Variants in EIF3H observed in about 807,000 individuals in gnomAD.
EIF3H encodes the protein eukaryotic translation initiation factor 3 subunit H.
EIF3H carries 26 observed loss-of-function variants against 44.2 expected under a neutral mutation model. That is an observed-to-expected ratio of 0.59 (90% CI 0.43 to 0.82). The LOEUF (loss-of-function observed/expected upper bound fraction) is 0.82. Among genes scored for constraint, EIF3H ranks in the 40% least tolerant of loss-of-function variants. The probability of loss-of-function intolerance (pLI) is 0.00; values close to 1 mark genes in which losing one functional copy is unlikely to be tolerated. For missense variants in EIF3H, 359 were observed against 432.8 expected (o/e 0.83, Z 1.51); for synonymous variants, 166 against 151.9 (o/e 1.09, Z -0.68).
At position 116,666,753 on chromosome 8, in the gene EIF3H, C is replaced by CAAAAAAAAAAAAAAAAAAAA. The variant is rs56700266; in HGVS notation, c.290-7793_290-7774dup. Among the ~76,000 whole-genome samples, 10 of 71,446 alleles carry CAAAAAAAAAAAAAAAAAAAA rather than the reference C, an allele frequency of 1.4e-4. 2 individuals are homozygous for CAAAAAAAAAAAAAAAAAAAA. Among genetic ancestry groups the CAAAAAAAAAAAAAAAAAAAA allele is most frequent in the African/African-American group, 6.8e-4 (10 of 14,602 alleles). 46.9% of individuals were successfully genotyped at this position (71,446 alleles called of 152,430 possible). The stretch of plus-strand genomic sequence containing the variant: ...CCAAATGAGAATCTTTAGTGTTAGG[C>CAAAAAAAAAAAAAAAAAAAA]AAAAAAAAAAAAAAAAAAAAAAATT... On this transcript the variant is annotated intron_variant, in intron 2 of 7. Coordinates refer to ENST00000521861, the MANE Select transcript of EIF3H (RefSeq NM_003756.3).
intron 2 of EIF3H, among the ~76,000 whole-genome samples, chr8:116,717,914 A>C (rs1354296679): frequency 6.6e-6 from 1 of 152,222 alleles, no homozygotes; most frequent in Non-Finnish European, 1.5e-5. Context: ...TAAACTAAAA[A>C]GCTTCTGCAC....
intron 2 of EIF3H, among the ~76,000 whole-genome samples, chr8:116,711,634 A>T (rs904704225): frequency 6.6e-6 from 1 of 152,226 alleles, no homozygotes; most frequent in African/African-American, 2.4e-5. Flanking sequence ...CAAGAACAAA[A>T]GTATCTTATG....
At position 116,752,778 on chromosome 8, in the gene EIF3H, AGGGAGGGAGGGAGGGAG is replaced by A. The variant is rs1815377941; in HGVS notation, c.132+2871_132+2887del. Among the ~76,000 whole-genome samples the A allele has an allele frequency of 1.8e-4, 10 of 54,146 alleles. 1 individual carries two copies. The highest frequency in any genetic ancestry group is 2.1e-4 in the Admixed American group (1 of 4,732). The allele number at this position is 54,146 out of a possible 152,430, so 35.5% of individuals were successfully genotyped here. A position where few individuals can be genotyped will look rare whatever the true frequency, so the allele number is the denominator to read the frequency against. On this transcript the variant is annotated intron_variant, in intron 1 of 7. Coordinates refer to ENST00000521861, the MANE Select transcript of EIF3H (RefSeq NM_003756.3). ...GAGGGAGGGAGGGAGGGAGGGAGGG[AGGGAGGGAGGGAGGGAG>A]GGAAGGAAGGAAGGAAGGAAGGAAG...
chr8:116,754,008 T>C (rs368124453), intron 1 of EIF3H, among the ~76,000 whole-genome samples: 2 of 152,212 alleles, frequency 1.3e-5, no homozygotes, highest in Non-Finnish European at 2.9e-5. Context: ...CCACTAACTT[T>C]AGAGATTTGC....
At chr8:116,710,498 CATTTTT>C (rs961377281) in intron 2 of EIF3H, among the ~76,000 whole-genome samples, 1 of 152,152 alleles carries the variant, frequency 6.6e-6, no homozygotes, top group African/African-American at 2.4e-5. Flanking sequence ...TGTTGACCTT[CATTTTT>C]ATTTAATATA....
intron 5 of EIF3H, among the ~76,000 whole-genome samples, chr8:116,654,172 C>T (rs1198358817): frequency 1.3e-5 from 2 of 152,162 alleles, no homozygotes; most frequent in African/African-American, 4.8e-5. Flanking sequence ...CACCAATTTA[C>T]ACTTTAAATA....
intron 2 of EIF3H, among the ~76,000 whole-genome samples, chr8:116,708,812 A>G (rs1814516223): frequency 6.6e-6 from 1 of 152,086 alleles, no homozygotes; most frequent in Admixed American, 6.6e-5. Context: ...ACTCACTACC[A>G]TATGATAATT....
intron 5 of EIF3H, among the ~76,000 whole-genome samples, chr8:116,649,823 C>T (rs902537463): frequency 2.0e-5 from 3 of 152,170 alleles, no homozygotes; most frequent in African/African-American, 7.2e-5. Context: ...TGAAGAGACA[C>T]TTACTTTAGA....
chr8:116,729,517 A>G (rs1367061192), intron 1 of EIF3H, among the ~76,000 whole-genome samples: 3 of 152,246 alleles, frequency 2.0e-5, no homozygotes, highest in Non-Finnish European at 4.4e-5. Flanking sequence ...TTTATGTAGT[A>G]TCAATAGAAT....
At chr8:116,753,950 C>T (rs1255579331) in intron 1 of EIF3H, among the ~76,000 whole-genome samples, 2 of 152,060 alleles carry the variant, frequency 1.3e-5, no homozygotes, top group Non-Finnish European at 2.9e-5. Context: ...TAAACATTTC[C>T]CAAGTGCATA....
At chr8:116,759,916 A>G (rs1346553607), upstream of EIF3H, among the ~76,000 whole-genome samples, 1 of 152,158 alleles carries the variant, frequency 6.6e-6, no homozygotes, top group Non-Finnish European at 1.5e-5. Context: ...CTTTTTGTAG[A>G]TAACCAGTTC....
intron 5 of EIF3H, among the ~76,000 whole-genome samples, chr8:116,651,406 G>C (rs139348188): frequency 1.7e-4 from 26 of 152,276 alleles, no homozygotes; most frequent in African/African-American, 5.8e-4. Flanking sequence ...AACAGGTTGG[G>C]AATATTGAGA....
At chr8:116,760,748 T>C (rs1815510591), upstream of EIF3H, among the ~76,000 whole-genome samples, 1 of 152,232 alleles carries the variant, frequency 6.6e-6, no homozygotes, top group Non-Finnish European at 1.5e-5. Flanking sequence ...GAAAGCATGT[T>C]TAATTTCTTG....
At chr8:116,751,132 A>C (rs1341872384) in intron 1 of EIF3H, among the ~76,000 whole-genome samples, 1 of 151,900 alleles carries the variant, frequency 6.6e-6, no homozygotes, top group Non-Finnish European at 1.5e-5. Flanking sequence ...GAATGGCGTG[A>C]ACCCGGGAGG....
chr8:116,653,371 A>ACACACACACACACACACAC (rs59686939), intron 5 of EIF3H, among the ~76,000 whole-genome samples: 10 of 151,826 alleles, frequency 6.6e-5, no homozygotes, highest in South Asian at 2.1e-4. Context: ...ACACACACAC[A>ACACACACACACACACACAC]ATCTGTGTAC....
intron 2 of EIF3H, among the ~76,000 whole-genome samples, chr8:116,662,513 A>G (rs1330935042): frequency 3.3e-5 from 5 of 152,222 alleles, no homozygotes; most frequent in Admixed American, 3.3e-4. Flanking sequence ...TTATAAGCCA[A>G]GGAACAAGAG....
intron 2 of EIF3H, among the ~76,000 whole-genome samples, chr8:116,661,719 C>T (rs1813589455): frequency 1.3e-5 from 2 of 152,194 alleles, no homozygotes; most frequent in South Asian, 4.1e-4. Flanking sequence ...AGCCTGAATA[C>T]AAGAGATTCT....
intron 2 of EIF3H, among the ~76,000 whole-genome samples, chr8:116,718,640 A>G (rs891494267): frequency 1.3e-5 from 2 of 150,206 alleles, no homozygotes; most frequent in Non-Finnish European, 1.5e-5. Flanking sequence ...ACCGAACATC[A>G]TATGTTCTCA....
chr8:116,717,013 A>C (rs2130910210), intron 2 of EIF3H, among the ~76,000 whole-genome samples: 1 of 152,272 alleles, frequency 6.6e-6, no homozygotes, highest in South Asian at 2.1e-4. Flanking sequence ...AGAGCACAAA[A>C]CAATAGAAAA....
Sources: allele counts gnomAD v4.1 joint callset (sites outside exome capture counted in the v4.1 genomes callset), GRCh38; gene constraint gnomAD v4.1.1; transcripts MANE v1.5; gene names NCBI Gene and HGNC (gene_info 2026-07-23, HGNC 2026-07-21).